The following CMIP variants were observed in gnomAD, a reference collection of about 807,000 sequenced individuals.
CMIP encodes the protein c-Maf inducing protein.
CMIP carries 13 observed loss-of-function variants against 97.3 expected under a neutral mutation model. That is an observed-to-expected ratio of 0.13 (90% CI 0.09 to 0.21). CMIP has a LOEUF of 0.21. CMIP is among the 10% of genes least tolerant of loss of function. CMIP has a pLI of 1.00. For missense variants in CMIP, 847 were observed against 1,024.9 expected (o/e 0.83, Z 2.37); for synonymous variants, 538 against 436.3 (o/e 1.23, Z -2.91).
At chr16:81,585,203 A>C (rs1051927137) in intron 1 of CMIP, among the ~76,000 whole-genome samples, 1 of 152,152 alleles carries the variant, frequency 6.6e-6, no homozygotes, top group Non-Finnish European at 1.5e-5. Flanking sequence ...TTAGCCAGGC[A>C]TGGTGGTGGG....
chr16:81,516,503 C>G (rs1283191315), intron 1 of CMIP, among the ~76,000 whole-genome samples: 1 of 152,204 alleles, frequency 6.6e-6, no homozygotes, highest in Non-Finnish European at 1.5e-5. Context: ...TGGACACTCT[C>G]CCTGGACACT....
chr16:81,499,655 A>G (rs1301427679), intron 1 of CMIP, among the ~76,000 whole-genome samples: 2 of 152,196 alleles, frequency 1.3e-5, no homozygotes, highest in African/African-American at 2.4e-5. Context: ...CTGGGCTGGC[A>G]TGTGGCCTCT....
intron 1 of CMIP, among the ~76,000 whole-genome samples, chr16:81,555,906 C>T (rs2090753404): frequency 6.6e-6 from 1 of 152,158 alleles, no homozygotes; most frequent in Non-Finnish European, 1.5e-5. Flanking sequence ...AATACCCACC[C>T]CTGGGAGAGC....
At chr16:81,470,195 C>T (rs923841594) in intron 1 of CMIP, among the ~76,000 whole-genome samples, 3 of 152,234 alleles carry the variant, frequency 2.0e-5, no homozygotes, top group Non-Finnish European at 2.9e-5. Flanking sequence ...GGAAATAAAG[C>T]GGCCCCTGGC....
At chr16:81,450,891 A>T (rs113253677) in intron 1 of CMIP, among the ~76,000 whole-genome samples, 41 of 152,342 alleles carry the variant, frequency 2.7e-4, no homozygotes, top group African/African-American at 9.9e-4. Context: ...CTTGGAGGCA[A>T]GCACTGCTGC....
chr16:81,669,851 C>T (rs978429281), intron 7 of CMIP, among the ~76,000 whole-genome samples: 1 of 152,240 alleles, frequency 6.6e-6, no homozygotes, highest in Non-Finnish European at 1.5e-5. Context: ...GCTCTCTTTT[C>T]TCTTTCTCGT....
chr16:81,494,481 G>T (rs982127322), intron 1 of CMIP, among the ~76,000 whole-genome samples: 1 of 152,174 alleles, frequency 6.6e-6, no homozygotes, highest in Non-Finnish European at 1.5e-5. Flanking sequence ...GCTCTCCAGG[G>T]ACGGCCAGAC....
intron 1 of CMIP, among the ~76,000 whole-genome samples, chr16:81,544,261 G>A (rs1376167566): frequency 6.6e-6 from 1 of 152,232 alleles, no homozygotes; most frequent in Non-Finnish European, 1.5e-5. Flanking sequence ...GGGCAGAGGG[G>A]TGGCTTCAGC....
chr16:81,489,795 CA>C (rs1265037480), intron 1 of CMIP, among the ~76,000 whole-genome samples: 2 of 152,208 alleles, frequency 1.3e-5, no homozygotes, highest in Non-Finnish European at 2.9e-5. Context: ...GAGCTTTTGG[CA>C]AATGCCAACT....
intron 1 of CMIP, among the ~76,000 whole-genome samples, chr16:81,457,661 C>T (rs1271237594): frequency 6.6e-6 from 1 of 152,242 alleles, no homozygotes; most frequent in Non-Finnish European, 1.5e-5. Context: ...TTAATCATCA[C>T]ACCTACCTCG....
chr16:81,446,856 C>T (rs901256034), intron 1 of CMIP, among the ~76,000 whole-genome samples: 2 of 120,830 alleles, frequency 1.7e-5, no homozygotes, highest in Non-Finnish European at 3.3e-5. Context: ...CCCCACCCCC[C>T]ACCCCAGAGC....
chr16:81,696,732 A>G (rs774389951), intron 14 of CMIP, 65 bp downstream of exon 14: 1 of 1,454,860 alleles, frequency 6.9e-7, no homozygotes, highest in East Asian at 2.3e-5. Context: ...CCTGACTAGT[A>G]AAACAGCCGT....
intron 1 of CMIP, among the ~76,000 whole-genome samples, chr16:81,499,292 T>A (rs1403485220): frequency 3.9e-5 from 6 of 152,136 alleles, no homozygotes. Flanking sequence ...GCCTCACACC[T>A]ATGCATGGAA....
In CMIP at chr16:81,655,427, A is replaced by G. The variant is rs972355143; in HGVS notation, c.640-2348A>G. Among the ~76,000 whole-genome samples the G allele has an allele frequency of 6.6e-6, 1 of 151,788 alleles. No homozygotes were observed. The highest frequency in any genetic ancestry group is 1.5e-5 in the Non-Finnish European group (1 of 67,944). ...CAGCAAAGCAAAGCTGGCTGTCCCC[A>G]CCCTCCCAGGCCTTTGTTGAGTTGC... On this transcript the variant is annotated intron_variant, in intron 4 of 20. Coordinates refer to ENST00000537098, the MANE Select transcript of CMIP (RefSeq NM_198390.3). This position sits in a 1 kb window ranked among gnomAD's most constrained non-coding sequence, Gnocchi z 4.9.
chr16:81,474,394 C>T (rs906332832), intron 1 of CMIP, among the ~76,000 whole-genome samples: 1 of 152,146 alleles, frequency 6.6e-6, no homozygotes, highest in Non-Finnish European at 1.5e-5. Flanking sequence ...TCCGCTCTCT[C>T]TTTCCTTCAC....
At chr16:81,560,911 C>T (rs1159764043) in intron 1 of CMIP, among the ~76,000 whole-genome samples, 4 of 152,166 alleles carry the variant, frequency 2.6e-5, no homozygotes, top group African/African-American at 2.4e-5. Context: ...ATGGCATAAT[C>T]GCTGAAAATG....
At chr16:81,507,648 C>T (rs1019667320) in intron 1 of CMIP, among the ~76,000 whole-genome samples, 3 of 152,122 alleles carry the variant, frequency 2.0e-5, no homozygotes, top group Non-Finnish European at 2.9e-5. Context: ...CCATTTAATT[C>T]AGGAGTCATT....
intron 1 of CMIP, among the ~76,000 whole-genome samples, chr16:81,474,089 G>A (rs1907732129): frequency 6.6e-6 from 1 of 152,028 alleles, no homozygotes; most frequent in South Asian, 2.1e-4. Context: ...TCCTGGCTGT[G>A]CCCATGTTCC....
intron 1 of CMIP, among the ~76,000 whole-genome samples, chr16:81,592,757 G>T (rs1216457365): frequency 1.3e-5 from 2 of 152,176 alleles, no homozygotes; most frequent in African/African-American, 4.8e-5. Flanking sequence ...TCTTAGCAGT[G>T]CCCCTTTCCC....
Sources: gnomAD v4.1 joint callset for allele counts (sites outside exome capture counted in the v4.1 genomes callset) on GRCh38, gnomAD v4.1.1 for gene constraint, Gnocchi (gnomAD v3.1) non-coding constraint, MANE v1.5 for transcripts, NCBI Gene and HGNC (gene_info 2026-07-23, HGNC 2026-07-21) for gene names.